The following DCUN1D1 variants were observed in gnomAD, a reference collection of about 807,000 sequenced individuals.
DCUN1D1 encodes the protein defective in cullin neddylation 1 domain containing 1.
Under a neutral mutation model 39.0 loss-of-function variants are expected in DCUN1D1, and 3 were observed. The observed-to-expected ratio is 0.08, with a 90% confidence interval of 0.04 to 0.20. The LOEUF is 0.20. Ranked by LOEUF, DCUN1D1 falls within the 10% of genes least tolerant of loss-of-function variation. The pLI, the probability that DCUN1D1 is intolerant of heterozygous loss-of-function variation, is 1.00. For synonymous variants in DCUN1D1, 82 were observed against 96.3 expected, an observed-to-expected ratio of 0.85 and a Z score of 0.87; for missense variants, 158 against 302.4, an observed-to-expected ratio of 0.52 and a Z score of 3.54.
intron 4 of DCUN1D1, among the ~76,000 whole-genome samples, chr3:182,952,096 A>G (rs1024289336): frequency 6.6e-6 from 1 of 152,144 alleles, no homozygotes; most frequent in Non-Finnish European, 1.5e-5. Context: ...ATCCACTCCA[A>G]TGAAATTAAA....
At chr3:182,979,116 T>C (rs1489975819) in intron 1 of DCUN1D1, among the ~76,000 whole-genome samples, 2 of 152,260 alleles carry the variant, frequency 1.3e-5, no homozygotes. Flanking sequence ...CTGTTTAGAC[T>C]GCCTGGTGGA....
At chr3:182,956,302 G>A in intron 4 of DCUN1D1, 1 of 269,110 alleles carries the variant, frequency 3.7e-6, no homozygotes, top group Non-Finnish European at 7.6e-6. Flanking sequence ...CTTTCTGGGA[G>A]CTCATCACCA....
At chr3:182,969,240 G>C (rs1190646261) in intron 1 of DCUN1D1, among the ~76,000 whole-genome samples, 1 of 152,232 alleles carries the variant, frequency 6.6e-6, no homozygotes, top group Non-Finnish European at 1.5e-5. Flanking sequence ...TAAAGCTGGA[G>C]TATACCTGAC....
At chr3:182,974,191 G>A (rs1409374679) in intron 1 of DCUN1D1, among the ~76,000 whole-genome samples, 2 of 152,184 alleles carry the variant, frequency 1.3e-5, no homozygotes, top group Non-Finnish European at 2.9e-5. Context: ...GGCAGAGGTT[G>A]CAGTGAGCCG....
intron 4 of DCUN1D1, among the ~76,000 whole-genome samples, chr3:182,954,880 TG>T (rs1435990035): frequency 1.3e-5 from 2 of 152,192 alleles, no homozygotes; most frequent in African/African-American, 2.4e-5. Flanking sequence ...ATTCTGAATC[TG>T]GTTTAGTTTG....
chr3:182,973,332 CTGTT>C (rs1239469740), intron 1 of DCUN1D1, among the ~76,000 whole-genome samples: 1 of 152,158 alleles, frequency 6.6e-6, no homozygotes. Flanking sequence ...AACTTATGAA[CTGTT>C]TATTTCTGGA....
At chr3:182,970,539 G>T (rs1205547016) in intron 1 of DCUN1D1, among the ~76,000 whole-genome samples, 1 of 151,954 alleles carries the variant, frequency 6.6e-6, no homozygotes, top group African/African-American at 2.4e-5. Context: ...TTATATTTCA[G>T]CCTGAACTTC....
At chr3:182,968,037 A>G (rs1271500072) in intron 1 of DCUN1D1, among the ~76,000 whole-genome samples, 1 of 152,132 alleles carries the variant, frequency 6.6e-6, no homozygotes, top group East Asian at 1.9e-4. Context: ...TTAACCTGCA[A>G]GTACACCAAC....
At chr3:182,970,260 A>AC (rs140253153) in intron 1 of DCUN1D1, among the ~76,000 whole-genome samples, 5,968 of 151,830 alleles carry the variant, frequency 0.039, 408 homozygotes, top group African/African-American at 0.14. Context: ...CGAAATCTTA[A>AC]CCCCCCAAAA....
At chr3:182,974,472 C>CA (rs35338278) in intron 1 of DCUN1D1, among the ~76,000 whole-genome samples, 80,670 of 142,132 alleles carry the variant, frequency 0.57, 25,708 homozygotes, top group Non-Finnish European at 0.74. Flanking sequence ...TTACTGAGGC[C>CA]AAAAAAAAAA....
In DCUN1D1 at chr3:182,944,604, A is replaced by T. The variant is rs529537626; in HGVS notation, c.*490T>A. On this transcript the variant is annotated 3_prime_UTR_variant, in exon 7 of 7. Coordinates refer to ENST00000292782, the MANE Select transcript of DCUN1D1 (RefSeq NM_020640.4). ...CAAACCAAAACACCATTCCAGATCC[A>T]GTACACTTAAATATATCACTCTCAC... is the stretch of plus-strand genomic sequence containing the variant. 1 of 152,624 alleles carries T rather than the reference A, an allele frequency of 6.6e-6. No homozygotes were observed. The highest frequency in any genetic ancestry group is 2.1e-4 in the South Asian group (1 of 4,834). 9.5% of individuals were successfully genotyped at this position (152,624 alleles called of 1,614,324 possible).
chr3:182,964,986 A>C (rs1727597564), intron 2 of DCUN1D1, among the ~76,000 whole-genome samples: 1 of 152,204 alleles, frequency 6.6e-6, no homozygotes, highest in Admixed American at 6.5e-5. Context: ...CCAGCAATAA[A>C]AAACATGAAC....
At chr3:182,965,941 A>C (rs1387456010) in intron 1 of DCUN1D1, among the ~76,000 whole-genome samples, 188 bp from the exon 2 acceptor site, 1 of 152,154 alleles carries the variant, frequency 6.6e-6, no homozygotes, top group Non-Finnish European at 1.5e-5. Context: ...TGAAACAGAA[A>C]ATATGGTACA....
intron 4 of DCUN1D1, among the ~76,000 whole-genome samples, chr3:182,958,262 C>T (rs1358611929): frequency 6.6e-6 from 1 of 151,740 alleles, no homozygotes; most frequent in African/African-American, 2.4e-5. Flanking sequence ...TCTCTTACTA[C>T]ATTTTTCTTT....
upstream of DCUN1D1, chr3:182,980,589 T>A: frequency 1.8e-6 from 2 of 1,127,426 alleles, no homozygotes; most frequent in Non-Finnish European, 2.2e-6. Context: ...CGGCTCCCGC[T>A]CATGCGCAGT....
chr3:182,946,416 A>G (rs927947745), intron 6 of DCUN1D1, among the ~76,000 whole-genome samples: 1 of 151,904 alleles, frequency 6.6e-6, no homozygotes, highest in Non-Finnish European at 1.5e-5. Context: ...AATTAGGTGA[A>G]CGTGGTGGCA....
Position 182,965,719 on chromosome 3 carries a change from C to T in DCUN1D1, c.38G>A (p.Arg13His). Residue 13 changes from arginine to histidine, a missense_variant, in exon 2 of 7, where the codon CGT becomes CAT. Coordinates refer to ENST00000292782, the MANE Select transcript of DCUN1D1 (RefSeq NM_020640.4). ...KLKSSQKDKV[R>H]QFMIFTQSSE... ...AGATTGTGTGAAGATCATAAACTGA[C>T]GAACTTTATCCTTCTGCGATGATTT... 5 of 1,613,494 alleles carry T rather than the reference C, an allele frequency of 3.1e-6. No homozygotes were observed. The highest frequency in any genetic ancestry group is 1.1e-5 in the South Asian group (1 of 91,050).
At chr3:182,951,467 C>A (rs950148209) in intron 4 of DCUN1D1, among the ~76,000 whole-genome samples, 3 of 151,228 alleles carry the variant, frequency 2.0e-5, no homozygotes, top group Non-Finnish European at 4.4e-5. Flanking sequence ...ATCAAAAAAA[C>A]CAGCCGAGCA....
upstream of DCUN1D1, chr3:182,985,403 C>G (rs576725245): frequency 6.6e-6 from 1 of 152,308 alleles, no homozygotes; most frequent in Non-Finnish European, 1.5e-5. Flanking sequence ...CCGAGGCGGG[C>G]GGATCACCTG....
Sources: allele counts gnomAD v4.1 joint callset (sites outside exome capture counted in the v4.1 genomes callset), GRCh38; gene constraint gnomAD v4.1.1; transcripts MANE v1.5; gene names NCBI Gene and HGNC (gene_info 2026-07-23, HGNC 2026-07-21).